The following RNF145 variants were observed in gnomAD, a reference collection of about 807,000 sequenced individuals.
The protein encoded by RNF145 is ring finger protein 145.
RNF145 carries 12 observed loss-of-function variants against 57.3 expected under a neutral mutation model. The observed-to-expected ratio is 0.21, with a 90% CI of 0.13 to 0.34. RNF145 has a LOEUF of 0.34. RNF145 is among the 10% of genes least tolerant of loss of function. RNF145 has a pLI of 1.00. For missense variants in RNF145, 429 were observed against 799.0 expected (o/e 0.54, Z 5.58); for synonymous variants, 262 against 288.3 (o/e 0.91, Z 0.92).
At position 159,158,740 on chromosome 5, in the gene RNF145, T is replaced by TC; in HGVS notation, c.1921dup (p.Glu641GlyfsTer5). On this transcript the variant is annotated frameshift_variant, in exon 11 of 11. Transcript: ENST00000424310. LOFTEE classifies it low-confidence loss of function (END_TRUNC). Reference sequence around the variant, plus strand: ...ATATTCTTTGGGGTCAAAAGCCCCTTCCTGGTTATCTGGTCGTCTGGCAAT... The same window carrying TC: ...ATATTCTTTGGGGTCAAAAGCCCCTTCCCTGGTTATCTGGTCGTCTGGCAAT... 6.2e-7 allele frequency: 1 copy of TC among 1,613,994 alleles called. No individual in the cohort carries two copies. The highest frequency in any genetic ancestry group is 8.5e-7 in the Non-Finnish European group (1 of 1,179,860).
At chr5:159,199,262 C>T (rs548769127) in intron 2 of RNF145, among the ~76,000 whole-genome samples, 1 of 151,940 alleles carries the variant, frequency 6.6e-6, no homozygotes, top group Non-Finnish European at 1.5e-5. Flanking sequence ...AAACTACGTT[C>T]GGTCACCCAA....
rs1156320103 is a variant in RNF145 at position 159,159,054 on chromosome 5, A to T, written c.1627-19T>A. 1.3e-6 allele frequency: 2 copies of T among 1,595,872 alleles called. No homozygotes were observed. The highest frequency in any genetic ancestry group is 2.2e-5 in the South Asian group (2 of 89,012). On this transcript the variant is annotated intron_variant, in intron 10 of 10. Coordinates refer to ENST00000424310, the MANE Select transcript of RNF145 (RefSeq NM_001199383.2). ...TCATGTCCTAAAAGAGGGGGAAAAA[A>T]GATACCTTATAAATGTCTGTTTTCT...
At chr5:159,174,282 A>G (rs1195822802) in intron 5 of RNF145, 124 bp from the exon 6 acceptor site, 1 of 655,062 alleles carries the variant, frequency 1.5e-6, no homozygotes, top group Non-Finnish European at 2.6e-6. Context: ...TGTTTCAGCT[A>G]AATTCCTTTA....
At chr5:159,209,997 C>A, upstream of RNF145, 1 of 1,199,594 alleles carries the variant, frequency 8.3e-7, no homozygotes, top group Non-Finnish European at 1.2e-6. Flanking sequence ...TCAGCCGTGC[C>A]CAGCACCAAG....
chr5:159,179,027 G>A (rs1784797906), intron 4 of RNF145, among the ~76,000 whole-genome samples: 2 of 151,952 alleles, frequency 1.3e-5, no homozygotes, highest in South Asian at 4.1e-4. Context: ...AAAACAAGAG[G>A]CCACCAAATG....
chr5:159,161,040 T>C (rs991688027), intron 10 of RNF145: 3 of 450,080 alleles, frequency 6.7e-6, no homozygotes, highest in African/African-American at 4.0e-5. Context: ...AGCAATAATG[T>C]TGAAAACAAC....
chr5:159,209,671 C>A (rs572347343), upstream of RNF145: 24 of 954,680 alleles, frequency 2.5e-5, no homozygotes, highest in African/African-American at 4.1e-4. Flanking sequence ...GCTTTCCGCA[C>A]CGCCTCCGGT....
chr5:159,177,634 A>C (rs1476120643), intron 4 of RNF145, among the ~76,000 whole-genome samples: 5 of 152,030 alleles, frequency 3.3e-5, no homozygotes. Context: ...TCCTTGTATA[A>C]ACTACTTGGA....
At chr5:159,194,695 A>C in intron 3 of RNF145, 21 bp downstream of exon 3, 1 of 1,391,532 alleles carries the variant, frequency 7.2e-7, no homozygotes, top group Non-Finnish European at 1.0e-6. Context: ...ATACATTTCA[A>C]AAATGGGGTC....
At chr5:159,209,626 GC>G (rs1437252282), upstream of RNF145, 1 of 1,066,992 alleles carries the variant, frequency 9.4e-7, no homozygotes. Context: ...CCTCCCGCGC[GC>G]GCCCGCGCTC....
intron 3 of RNF145, among the ~76,000 whole-genome samples, chr5:159,191,697 CAGGAG>C (rs1338189450): frequency 6.6e-6 from 1 of 152,014 alleles, no homozygotes; most frequent in Non-Finnish European, 1.5e-5. Flanking sequence ...GAGGCTGAGG[CAGGAG>C]AATCACTTGA....
intron 2 of RNF145, among the ~76,000 whole-genome samples, chr5:159,195,223 T>C (rs1314931864): frequency 6.6e-6 from 1 of 152,198 alleles, no homozygotes; most frequent in Admixed American, 6.5e-5. Context: ...TAAGACCTTA[T>C]TTCTCCAACC....
chr5:159,208,509 CA>C (rs1785983572), intron 1 of RNF145, among the ~76,000 whole-genome samples: 1 of 151,916 alleles, frequency 6.6e-6, no homozygotes, highest in Admixed American at 6.6e-5. Context: ...ACCACGGGGA[CA>C]AAAAGGAAGG....
intron 4 of RNF145, among the ~76,000 whole-genome samples, chr5:159,181,696 A>C (rs1248187269): frequency 6.6e-6 from 1 of 151,048 alleles, no homozygotes; most frequent in Non-Finnish European, 1.5e-5. Flanking sequence ...TTTAAAAATT[A>C]ATCTTCTCAA....
chr5:159,168,991 C>T lies in RNF145; in HGVS notation c.1003G>A (p.Val335Ile). 3 of 1,609,450 alleles carry T rather than the reference C, an allele frequency of 1.9e-6. No individual in the cohort carries two copies. Among genetic ancestry groups the T allele is most frequent in the East Asian group, 2.2e-5 (1 of 44,524 alleles). The change falls in exon 8 of 11, where the codon GTT becomes ATT. Residue 335 changes from valine (V) to isoleucine (I), a missense_variant. Transcript: ENST00000424310. Reference sequence around the variant, plus strand: ...CTGAGCAAGAATGCCCGATGAACAACCTGCAGTTCTATCAGCCCAGTCTGC... The same window carrying T: ...CTGAGCAAGAATGCCCGATGAACAATCTGCAGTTCTATCAGCCCAGTCTGC... ...AVQTGLIELQVVHRAFLLSII... is the reference protein window; with the variant it reads ...AVQTGLIELQIVHRAFLLSII...
At chr5:159,195,449 C>T (rs1395555385) in intron 2 of RNF145, among the ~76,000 whole-genome samples, 3 of 152,112 alleles carry the variant, frequency 2.0e-5, no homozygotes. Flanking sequence ...ATCTATTCTT[C>T]TCTTTACCAT....
intron 6 of RNF145, among the ~76,000 whole-genome samples, chr5:159,173,181 T>C (rs751442663): frequency 3.3e-5 from 5 of 152,312 alleles, no homozygotes; most frequent in African/African-American, 7.2e-5. Context: ...CAGGACAGCT[T>C]TGAATGCAGC....
Position 159,209,506 on chromosome 5 carries a change from G to GGCGGCA in RNF145, c.-316_-315insTGCCGC, listed in dbSNP as rs1483854906. ...CCCCTTAGCAGCCGGCGCCGGCGTC[G>GGCGGCA]GCGGCCATGGCCTCCTGCGTTTGCT... On this transcript the variant is annotated 5_prime_UTR_variant, in exon 1 of 11. Coordinates refer to ENST00000424310, the MANE Select transcript of RNF145 (RefSeq NM_001199383.2). 2 of 981,128 alleles carry GGCGGCA rather than the reference G, an allele frequency of 2.0e-6. No homozygotes were observed. Among genetic ancestry groups the GGCGGCA allele is most frequent in the African/African-American group, 3.5e-5 (2 of 56,670 alleles). The allele number at this position is 981,128 out of a possible 1,614,324, so 60.8% of individuals were successfully genotyped here.
At chr5:159,184,125 T>C (rs1317770237) in intron 3 of RNF145, among the ~76,000 whole-genome samples, 1 of 152,224 alleles carries the variant, frequency 6.6e-6, no homozygotes, top group East Asian at 1.9e-4. Flanking sequence ...TTGAGGTCCC[T>C]ACCATGTTTT....
Sources: gnomAD v4.1 joint callset for allele counts (sites outside exome capture counted in the v4.1 genomes callset) on GRCh38, gnomAD v4.1.1 for gene constraint, MANE v1.5 for transcripts, NCBI Gene and HGNC (gene_info 2026-07-23, HGNC 2026-07-21) for gene names.